MNS1: variants seen among roughly 807,000 people sequenced by gnomAD.
MNS1 encodes meiosis-specific nuclear structural protein 1.
In MNS1, 63 loss-of-function variants were observed where a neutral mutation model predicts 72.0. That is an observed-to-expected ratio of 0.87 (90% CI 0.71 to 1.08). The LOEUF (loss-of-function observed/expected upper bound fraction) is 1.08, where lower values mean the gene tolerates loss of function less well. Ranked by LOEUF, MNS1 falls within the 50% of genes least tolerant of loss-of-function variation. MNS1 has a pLI of 0.00. For synonymous variants in MNS1, 188 were observed against 172.1 expected (o/e 1.09, Z -0.72); for missense variants, 604 against 562.4 (o/e 1.07, Z -0.75).
intron 8 of MNS1, among the ~76,000 whole-genome samples, chr15:56,433,076 A>G (rs1476096860): frequency 6.6e-6 from 1 of 152,176 alleles, no homozygotes; most frequent in Non-Finnish European, 1.5e-5. Flanking sequence ...ATTTCCAACT[A>G]GTAATCTTCC....
At chr15:56,443,145 C>T (rs571562906) in intron 7 of MNS1, among the ~76,000 whole-genome samples, 1 of 152,106 alleles carries the variant, frequency 6.6e-6, no homozygotes, top group Non-Finnish European at 1.5e-5. Context: ...CTGTATGTTA[C>T]GTATCTTTCA....
chr15:56,429,130 G>T lies in MNS1; in HGVS notation c.1459C>A (p.Gln487Lys), dbSNP rs1364880739. Residue 487 changes from glutamine to lysine, a missense_variant, in exon 10 of 10, where the codon CAA becomes AAA. Transcript: ENST00000260453. The stretch of plus-strand genomic sequence containing the variant: ...TTCTCTTCACAAATTTCACTCCTTT[G>T]TTGATATACTTTCCTGAACTCTTCA... The part of the protein sequence containing the change: ...LGEEFRKVYQ[Q>K]RSEICEEK 4.4e-6 allele frequency: 7 copies of T among 1,600,108 alleles called. No individual in the cohort carries two copies. Among genetic ancestry groups the T allele is most frequent in the Non-Finnish European group, 6.0e-6 (7 of 1,174,238 alleles).
Position 56,465,100 on chromosome 15 carries a change from C to A in MNS1, c.-128G>T. ...CTCGGGTGTTTACGCGGCGTCTTGG[C>A]AACGGTGGAGCTGCGCGCCCTCCGC... is the stretch of plus-strand genomic sequence containing the variant. On this transcript the variant is annotated 5_prime_UTR_variant, in exon 1 of 10. Coordinates refer to ENST00000260453, the MANE Select transcript of MNS1 (RefSeq NM_018365.4). The A allele has an allele frequency of 7.6e-7, 1 of 1,311,852 alleles. No individual in the cohort carries two copies. Among genetic ancestry groups the A allele is most frequent in the African/African-American group, 1.5e-5 (1 of 67,304 alleles). The allele number at this position is 1,311,852 out of a possible 1,614,324, so 81.3% of individuals were successfully genotyped here.
chr15:56,463,779 C>A, intron 2 of MNS1: 2 of 424,290 alleles, frequency 4.7e-6, no homozygotes, highest in Admixed American at 4.2e-5. Context: ...AAGACTCCAT[C>A]CAAAAAAAAA....
chr15:56,434,011 A>G, intron 8 of MNS1, 127 bp downstream of exon 8: 1 of 827,394 alleles, frequency 1.2e-6, no homozygotes, highest in Non-Finnish European at 1.7e-6. Flanking sequence ...GAAAATTTAT[A>G]TATATATTAG....
At chr15:56,455,220 G>A (rs2050973098) in intron 3 of MNS1, among the ~76,000 whole-genome samples, 2 of 108,906 alleles carry the variant, frequency 1.8e-5, no homozygotes, top group African/African-American at 7.1e-5. Context: ...CAGGGAATTA[G>A]AGATAAGAAA....
chr15:56,451,799 C>T (rs924499585), intron 3 of MNS1, among the ~76,000 whole-genome samples: 1 of 152,094 alleles, frequency 6.6e-6, no homozygotes, highest in South Asian at 2.1e-4. Context: ...CATCGTACAT[C>T]AAGGAGCATC....
In MNS1 at chr15:56,434,242, T is replaced by G; in HGVS notation, c.1165A>C (p.Ile389Leu). 1 of 1,613,990 alleles carries G rather than the reference T, an allele frequency of 6.2e-7. No individual in the cohort carries two copies. The highest frequency in any genetic ancestry group is 8.5e-7 in the Non-Finnish European group (1 of 1,179,928). ...MLAKFAEDDR[I>L]ELMNAQKQRM... ...TGTTTCTGAGCATTCATTAATTCTA[T>G]TCGATCATCCTCAGCAAATTTAGCT... The change falls in exon 8 of 10, where the codon ATA (isoleucine) becomes CTA (leucine). Residue 389 changes from isoleucine (I) to leucine (L), a missense_variant. Transcript: ENST00000260453.
At chr15:56,430,701 C>T (rs1251351294) in intron 9 of MNS1, among the ~76,000 whole-genome samples, 1 of 151,862 alleles carries the variant, frequency 6.6e-6, no homozygotes, top group African/African-American at 2.4e-5. Context: ...TCATCTTTGG[C>T]ATGTAAGTAC....
At position 56,465,086 on chromosome 15, in the gene MNS1, A is replaced by C. The variant is rs1364570344; in HGVS notation, c.-114T>G. On this transcript the variant is annotated 5_prime_UTR_variant, in exon 1 of 10. Transcript: ENST00000260453. The stretch of plus-strand genomic sequence containing the variant: ...CCTGGCTGCGCGCGCTCGGGTGTTT[A>C]CGCGGCGTCTTGGCAACGGTGGAGC... 14 of 1,455,350 alleles carry C rather than the reference A, an allele frequency of 9.6e-6. No individual in the cohort carries two copies. The Admixed American group carries it at 2.9e-4, about 31-fold the overall frequency. The allele number at this position is 1,455,350 out of a possible 1,614,324, so 90.2% of individuals were successfully genotyped here. A position where few individuals can be genotyped will look rare whatever the true frequency, so the allele number is the denominator to read the frequency against.
At chr15:56,434,812 C>T (rs1302935693) in intron 7 of MNS1, among the ~76,000 whole-genome samples, 1 of 152,050 alleles carries the variant, frequency 6.6e-6, no homozygotes, top group African/African-American at 2.4e-5. Flanking sequence ...ACCTCCTCCT[C>T]AAAATCAAAG....
intron 5 of MNS1, 128 bp from the exon 6 acceptor site, chr15:56,443,982 G>T (rs2050864640): frequency 2.7e-6 from 2 of 727,436 alleles, no homozygotes. Flanking sequence ...CAAACATTTT[G>T]AATGCTTACT....
intron 3 of MNS1, among the ~76,000 whole-genome samples, chr15:56,449,069 T>G (rs575675278): frequency 6.6e-6 from 1 of 152,248 alleles, no homozygotes; most frequent in African/African-American, 2.4e-5. Context: ...GTAGATGCTT[T>G]TGGATGTTCT....
rs2050681098 is a variant in MNS1 at position 56,434,330 on chromosome 15, G to A, written c.1077C>T (p.Ala359=). Residue 359 remains alanine (A), a synonymous_variant, in exon 8 of 10, where the codon GCC becomes GCT. Coordinates refer to ENST00000260453, the MANE Select transcript of MNS1 (RefSeq NM_018365.4). ...EMKQDFEEQM[A]LKELVLQAAK... is the part of the protein sequence containing the mutation. ...CAGCCTGTAGCACTAATTCCTTCAA[G>A]GCCATTTGTTCTTCAAAATCTTGCT... is the stretch of plus-strand genomic sequence containing the variant. 6.2e-7 allele frequency: 1 copy of A among 1,613,484 alleles called. No individual in the cohort carries two copies. The highest frequency in any genetic ancestry group is 2.2e-5 in the East Asian group (1 of 44,868).
chr15:56,450,720 A>G (rs142089931), intron 3 of MNS1, among the ~76,000 whole-genome samples: 102 of 152,284 alleles, frequency 6.7e-4, no homozygotes, highest in African/African-American at 2.3e-3. Flanking sequence ...AAGTTTGTAT[A>G]CAAGTATCCA....
chr15:56,456,655 ATGT>A (rs2050983612), intron 2 of MNS1, 134 bp from the exon 3 acceptor site: 4 of 912,004 alleles, frequency 4.4e-6, no homozygotes, highest in Non-Finnish European at 6.5e-6. Context: ...AAAATACAAA[ATGT>A]TGTTTCAATA....
chr15:56,435,723 T>C (rs537167366), intron 7 of MNS1, among the ~76,000 whole-genome samples: 1 of 152,146 alleles, frequency 6.6e-6, no homozygotes, highest in Non-Finnish European at 1.5e-5. Flanking sequence ...ATGGTTTCAC[T>C]AGAAAATTCT....
At chr15:56,430,674 T>C (rs1414153709) in intron 9 of MNS1, among the ~76,000 whole-genome samples, 4 of 152,162 alleles carry the variant, frequency 2.6e-5, no homozygotes, top group Non-Finnish European at 5.9e-5. Context: ...CCAGTGACAA[T>C]GTTTTCATAC....
chr15:56,461,989 T>TTTTG (rs1567155359), intron 2 of MNS1, among the ~76,000 whole-genome samples: 24 of 84,852 alleles, frequency 2.8e-4, no homozygotes, highest in East Asian at 1.7e-3. Flanking sequence ...TTTTTTTTTT[T>TTTTG]TTTTTTTTTT....
Sources: allele counts gnomAD v4.1 joint callset (sites outside exome capture counted in the v4.1 genomes callset), GRCh38; gene constraint gnomAD v4.1.1; transcripts MANE v1.5; gene names NCBI Gene and HGNC (gene_info 2026-07-23, HGNC 2026-07-21).